SYNE1: variants seen among roughly 807,000 people sequenced by gnomAD.
SYNE1 encodes the protein spectrin repeat containing nuclear envelope protein 1.
A neutral mutation model predicts 1,111.0 loss-of-function variants in SYNE1; 616 were observed. That is an observed-to-expected ratio of 0.55 (90% CI 0.52 to 0.59). The LOEUF is 0.59. Ranked by LOEUF, SYNE1 falls within the 20% of genes least tolerant of loss-of-function variation. The probability of loss-of-function intolerance (pLI) is 0.00; values close to 1 mark genes in which losing one functional copy is unlikely to be tolerated. For missense variants in SYNE1, 10,006 were observed against 10,417.0 expected (o/e 0.96, Z 1.72); for synonymous variants, 3,855 against 3,825.8 (o/e 1.01, Z -0.28).
At chr6:152,188,821 G>A (rs1269036518) in intron 128 of SYNE1, among the ~76,000 whole-genome samples, 2 of 150,768 alleles carry the variant, frequency 1.3e-5, no homozygotes, top group Admixed American at 1.3e-4. Context: ...AGCTGGGCAT[G>A]GTGGCAGGTG....
chr6:152,567,733 G>A (rs2099418913), intron 3 of SYNE1, among the ~76,000 whole-genome samples: 1 of 152,078 alleles, frequency 6.6e-6, no homozygotes, highest in African/African-American at 2.4e-5. Context: ...TAGCTTCCTG[G>A]GTGCTTTCTG....
At chr6:152,453,546 C>T in intron 25 of SYNE1, 40 bp downstream of exon 25, 2 of 1,614,176 alleles carry the variant, frequency 1.2e-6, no homozygotes, top group Non-Finnish European at 8.5e-7. Flanking sequence ...CTTCTCCCTT[C>T]ATTGAGGATG....
intron 18 of SYNE1, among the ~76,000 whole-genome samples, chr6:152,464,514 A>C (rs1457749979): frequency 6.6e-6 from 1 of 152,192 alleles, no homozygotes; most frequent in Non-Finnish European, 1.5e-5. Flanking sequence ...TGAAATATGG[A>C]ATGGTAAAAC....
chr6:152,577,273 A>C (rs2099500508), intron 3 of SYNE1, among the ~76,000 whole-genome samples: 1 of 152,216 alleles, frequency 6.6e-6, no homozygotes. Context: ...ACTTTGCAAG[A>C]ACTCACCAAG....
chr6:152,394,571 C>T (rs1452246653), intron 51 of SYNE1, among the ~76,000 whole-genome samples: 2 of 151,482 alleles, frequency 1.3e-5, no homozygotes, highest in East Asian at 3.9e-4. Context: ...GGGAACTTTG[C>T]CTGGGAAAGG....
At position 152,350,307 on chromosome 6, in the gene SYNE1, A is replaced by C; in HGVS notation, c.11762T>G (p.Val3921Gly). The C allele has an allele frequency of 4.3e-6, 7 of 1,614,048 alleles. No individual in the cohort carries two copies. The highest frequency in any genetic ancestry group is 5.9e-6 in the Non-Finnish European group (7 of 1,180,024). The change falls in exon 72 of 146, where the codon GTC (valine) becomes GGC (glycine). Residue 3921 changes from valine (V) to glycine (G), a missense_variant. Physicochemically the swap from Val to Gly is moderately radical, Grantham distance 109. Transcript: ENST00000367255. The stretch of plus-strand genomic sequence containing the variant: ...ACTGTTGTAGTCTTCATGGTCTTTG[A>C]CTTTCGCCTCCAGACTGAAGACATG... ...KEHVFSLEAK[V>G]KDHEDYNSEL...
intron 18 of SYNE1, among the ~76,000 whole-genome samples, chr6:152,464,395 A>T (rs1411907270): frequency 6.6e-6 from 1 of 152,206 alleles, no homozygotes. Context: ...TGATCAAATT[A>T]ACATGTATGA....
intron 11 of SYNE1, among the ~76,000 whole-genome samples, chr6:152,489,457 C>CTTTTTTTTT (rs3076635): frequency 5.3e-5 from 6 of 112,300 alleles, no homozygotes; most frequent in African/African-American, 6.7e-5. Flanking sequence ...CTTGGTGTGT[C>CTTTTTTTTT]TTTTTTTTTT....
intron 3 of SYNE1, among the ~76,000 whole-genome samples, chr6:152,586,935 C>T (rs1231469731): frequency 6.6e-6 from 1 of 152,070 alleles, no homozygotes; most frequent in Admixed American, 6.6e-5. Context: ...CTTCTTCAGC[C>T]CTGATTCTCT....
chr6:152,220,504 A>AT (rs1239963658), intron 119 of SYNE1, among the ~76,000 whole-genome samples: 4 of 152,218 alleles, frequency 2.6e-5, no homozygotes, highest in Admixed American at 1.3e-4. Context: ...GGAACAGAAG[A>AT]TTTTTTAAAG....
At chr6:152,372,913 G>A (rs2097213390) in intron 59 of SYNE1, 124 bp downstream of exon 59, 1 of 1,028,782 alleles carries the variant, frequency 9.7e-7, no homozygotes, top group South Asian at 1.3e-5. Context: ...GTCTTCTTAT[G>A]TTCTGAGAGG....
intron 77 of SYNE1, among the ~76,000 whole-genome samples, chr6:152,333,119 G>A (rs1413916183): frequency 1.3e-5 from 2 of 152,040 alleles, no homozygotes; most frequent in East Asian, 1.9e-4. Flanking sequence ...CTAGTAAATC[G>A]GTGCAGAAGA....
Position 152,505,244 on chromosome 6 carries a change from G to T in SYNE1, c.735C>A (p.Ile245=). The change falls in exon 9 of 146, where the codon ATC becomes ATA. Residue 245 remains isoleucine, a synonymous_variant. Coordinates refer to ENST00000367255, the MANE Select transcript of SYNE1 (RefSeq NM_182961.4). ...NRENLEDAFT[I]AETELGIPRL... ...TTGGGATCCCCAGTTCTGTTTCGGC[G>T]ATAGTGAAAGCATCCTCCAAATTTT... 1 of 1,613,954 alleles carries T rather than the reference G, an allele frequency of 6.2e-7. No homozygotes were observed. Among genetic ancestry groups the T allele is most frequent in the Non-Finnish European group, 8.5e-7 (1 of 1,179,994 alleles).
intron 130 of SYNE1, chr6:152,168,086 A>G (rs1236064473): frequency 1.3e-6 from 1 of 780,816 alleles, no homozygotes; most frequent in Non-Finnish European, 2.4e-6. Context: ...GCTATGTACA[A>G]TGGAAGAAAC....
intron 3 of SYNE1, among the ~76,000 whole-genome samples, chr6:152,554,978 G>A (rs2099360026): frequency 6.6e-6 from 1 of 152,078 alleles, no homozygotes; most frequent in Admixed American, 6.5e-5. Flanking sequence ...TCTTTAACCA[G>A]TTACTTCTCA....
intron 130 of SYNE1, among the ~76,000 whole-genome samples, chr6:152,167,287 T>C (rs1324453): frequency 0.61 from 93,159 of 152,012 alleles, 29,039 homozygotes; most frequent in East Asian, 0.88. Context: ...TATATATCTA[T>C]ATATATTGTA....
intron 6 of SYNE1, among the ~76,000 whole-genome samples, chr6:152,512,826 C>T (rs1404556994): frequency 1.3e-5 from 2 of 152,142 alleles, no homozygotes; most frequent in Non-Finnish European, 2.9e-5. Flanking sequence ...TCCTATTGAA[C>T]TTACAATACA....
chr6:152,207,714 C>A (rs749624521), intron 125 of SYNE1, among the ~76,000 whole-genome samples: 14 of 152,202 alleles, frequency 9.2e-5, no homozygotes, highest in Non-Finnish European at 1.6e-4. Context: ...TTCATCCCTG[C>A]TGGGATTTAG....
In SYNE1 at chr6:152,219,183, G is replaced by C. The variant is rs919759355; in HGVS notation, c.21864C>G (p.Asp7288Glu). Residue 7288 changes from aspartate to glutamate, a missense_variant and splice_region_variant, in exon 120 of 146, where the codon GAC (aspartate) becomes GAG (glutamate). Coordinates refer to ENST00000367255, the MANE Select transcript of SYNE1 (RefSeq NM_182961.4). ...EVATWIQDCN[D>E]LLKGLGTVKD... ...TAACTGTGCCCAGTCCTTTGAGGAGGTCCTAGAAGAGGTGAAAATATGCCC... is the reference window on the plus strand; with the variant it reads ...TAACTGTGCCCAGTCCTTTGAGGAGCTCCTAGAAGAGGTGAAAATATGCCC... 2.5e-6 allele frequency: 4 copies of C among 1,613,522 alleles called. No individual in the cohort carries two copies. The African/African-American group carries it at 5.3e-5, about 22-fold the overall frequency.
Sources: gnomAD v4.1 joint callset for allele counts (sites outside exome capture counted in the v4.1 genomes callset) on GRCh38, gnomAD v4.1.1 for gene constraint, MANE v1.5 for transcripts, NCBI Gene and HGNC (gene_info 2026-07-23, HGNC 2026-07-21) for gene names.